The following PVT1 variants were observed in gnomAD, a reference collection of about 807,000 sequenced individuals.
PVT1 encodes CXCR4/PVT1 fusion.
chr8:127,959,086 G>T (rs768869050), intron 3 of PVT1, among the ~76,000 whole-genome samples: 3 of 152,174 alleles, frequency 2.0e-5, no homozygotes, highest in African/African-American at 4.8e-5. Flanking sequence ...CAGAGCTTCT[G>T]TGTGGCTCTA....
At chr8:127,915,386 G>A (rs1294115095) in intron 3 of PVT1, among the ~76,000 whole-genome samples, 3 of 151,492 alleles carry the variant, frequency 2.0e-5, no homozygotes, top group African/African-American at 4.8e-5. Flanking sequence ...GAGGCGGGCG[G>A]CAGATCACCT....
chr8:127,832,766 G>A (rs530893388), intron 2 of PVT1, among the ~76,000 whole-genome samples: 105 of 152,310 alleles, frequency 6.9e-4, no homozygotes, highest in African/African-American at 2.4e-3. Flanking sequence ...GCTGAGGCAG[G>A]AGAATGGTGT....
chr8:128,050,210 G>A (rs1194531038), intron 4 of PVT1, among the ~76,000 whole-genome samples: 1 of 152,124 alleles, frequency 6.6e-6, no homozygotes, highest in Admixed American at 6.5e-5. Flanking sequence ...TCCTGTTGGT[G>A]CCCACTCTGT....
intron 2 of PVT1, among the ~76,000 whole-genome samples, chr8:127,886,100 G>GA (rs1367338269): frequency 6.6e-6 from 1 of 151,866 alleles, no homozygotes; most frequent in Non-Finnish European, 1.5e-5. Context: ...CTGTCTCAAG[G>GA]AAAAAATAAA....
At chr8:127,893,231 GCAC>G (rs965125214) in intron 3 of PVT1, among the ~76,000 whole-genome samples, 30 of 152,200 alleles carry the variant, frequency 2.0e-4, no homozygotes, top group Non-Finnish European at 3.1e-4. Context: ...TATGAGATGC[GCAC>G]CATTATGATG....
chr8:128,085,086 G>A (rs1305623219), intron 5 of PVT1, among the ~76,000 whole-genome samples: 1 of 152,182 alleles, frequency 6.6e-6, no homozygotes, highest in Admixed American at 6.5e-5. Context: ...GCTTGTGACT[G>A]CTTTATGCAG....
chr8:127,794,538 G>A (rs923151428), upstream of PVT1: 73 of 151,574 alleles, frequency 4.8e-4, 1 homozygote, highest in African/African-American at 1.5e-3. Context: ...CGCTCCTCCG[G>A]GCAGAGCGCG....
intron 2 of PVT1, among the ~76,000 whole-genome samples, chr8:127,834,016 A>G (rs1814881908): frequency 6.6e-6 from 1 of 152,130 alleles, no homozygotes; most frequent in South Asian, 2.1e-4. Context: ...CACTTTAAGC[A>G]AAGTCTTCCC....
intron 4 of PVT1, among the ~76,000 whole-genome samples, chr8:127,991,503 C>A (rs1279220042): frequency 1.3e-5 from 2 of 152,118 alleles, no homozygotes; most frequent in Non-Finnish European, 2.9e-5. Flanking sequence ...GGTGTAGCAG[C>A]CTTTCCAGCT....
At chr8:127,847,622 T>C (rs1302915421) in intron 2 of PVT1, among the ~76,000 whole-genome samples, 1 of 152,198 alleles carries the variant, frequency 6.6e-6, no homozygotes, top group African/African-American at 2.4e-5. Flanking sequence ...CACATTGTGC[T>C]AGGCAAGATG....
intron 2 of PVT1, among the ~76,000 whole-genome samples, chr8:127,877,621 G>A (rs543002833): frequency 5.1e-4 from 77 of 152,174 alleles, no homozygotes; most frequent in African/African-American, 1.8e-3. Context: ...GTCCTTAAAC[G>A]GACTATTTCT....
intron 2 of PVT1, among the ~76,000 whole-genome samples, chr8:127,853,054 G>A (rs1170527379): frequency 6.6e-6 from 1 of 152,178 alleles, no homozygotes; most frequent in Non-Finnish European, 1.5e-5. Flanking sequence ...TAAGTTTATC[G>A]AGCATCTCCC....
intron 4 of PVT1, among the ~76,000 whole-genome samples, chr8:127,993,091 A>C (rs1192316302): frequency 6.6e-6 from 1 of 152,252 alleles, no homozygotes; most frequent in African/African-American, 2.4e-5. Flanking sequence ...TTGTGGTTTC[A>C]TACTGAGGTT....
intron 3 of PVT1, among the ~76,000 whole-genome samples, chr8:127,916,216 C>T (rs934250131): frequency 6.6e-6 from 1 of 152,192 alleles, no homozygotes; most frequent in African/African-American, 2.4e-5. Context: ...GGATTAAACA[C>T]ACCATGTAGG....
At chr8:127,910,893 T>TTTGTG (rs1554596303) in intron 3 of PVT1, among the ~76,000 whole-genome samples, 41 of 140,734 alleles carry the variant, frequency 2.9e-4, no homozygotes, top group African/African-American at 1.1e-3. Flanking sequence ...GTGTGTGTGT[T>TTTGTG]TGTGTGTGTG....
intron 4 of PVT1, among the ~76,000 whole-genome samples, chr8:128,022,642 C>T (rs1461419623): frequency 1.3e-5 from 2 of 152,204 alleles, no homozygotes; most frequent in Admixed American, 6.5e-5. Context: ...CAGCATGGAA[C>T]TTGGTACAGT....
chr8:127,886,801 C>G (rs2129795613), intron 2 of PVT1, among the ~76,000 whole-genome samples: 1 of 152,216 alleles, frequency 6.6e-6, no homozygotes, highest in South Asian at 2.1e-4. Flanking sequence ...GGACGGTCCC[C>G]ATAACTATCT....
rs116650414 is a variant in PVT1, at chr8:127,918,903, C to T, written n.782+27905C>T. Among the ~76,000 whole-genome samples, 886 of 152,272 alleles carry T rather than the reference C, an allele frequency of 5.8e-3. 16 individuals carry two copies. Among genetic ancestry groups the T allele is most frequent in the African/African-American group, 0.02 (840 of 41,562 alleles). On this transcript the variant is annotated intron_variant and non_coding_transcript_variant, in intron 3 of 10. Coordinates refer to ENST00000651587, the Ensembl canonical transcript of PVT1. Reference sequence around the variant, plus strand: ...GTCAGCCCTGGAATACCTCCACTGACGGGGCACTCACTACCACTGAAAGAT... The same window carrying T: ...GTCAGCCCTGGAATACCTCCACTGATGGGGCACTCACTACCACTGAAAGAT...
intron 1 of PVT1, among the ~76,000 whole-genome samples, chr8:127,795,302 T>C (rs1396343066): frequency 6.6e-6 from 1 of 152,238 alleles, no homozygotes; most frequent in Non-Finnish European, 1.5e-5. Flanking sequence ...TAGGTTTGCC[T>C]TCTCTTGCTA....
Sources: gnomAD v4.1 joint callset for allele counts (sites outside exome capture counted in the v4.1 genomes callset) on GRCh38, gnomAD v4.1.1 for gene constraint, MANE v1.5 for transcripts, NCBI Gene and HGNC (gene_info 2026-07-23, HGNC 2026-07-21) for gene names.